GPAT3: variants seen among roughly 807,000 people sequenced by gnomAD.
GPAT3 encodes the protein glycerol-3-phosphate acyltransferase 3, also known as 1-AGP acyltransferase 9.
A neutral mutation model predicts 58.8 loss-of-function variants in GPAT3; 53 were observed. The ratio of observed to expected loss-of-function variants is 0.90; its 90% CI spans 0.72 to 1.13. The LOEUF (loss-of-function observed/expected upper bound fraction) is 1.13. Ranked by LOEUF, GPAT3 falls within the 50% of genes most tolerant of loss-of-function variation. The pLI, the probability that GPAT3 is intolerant of heterozygous loss-of-function variation, is 0.00. For synonymous variants in GPAT3, 197 were observed against 187.4 expected (o/e 1.05, Z -0.42); for missense variants, 511 against 527.6 (o/e 0.97, Z 0.31).
At chr4:83,568,330 A>G (rs377577992) in intron 2 of GPAT3, among the ~76,000 whole-genome samples, 2 of 152,236 alleles carry the variant, frequency 1.3e-5, no homozygotes, top group South Asian at 4.1e-4. Context: ...AGATGCATTT[A>G]TTTTGAGCAC....
Position 83,566,419 on chromosome 4 carries a change from T to TTTATTATTATTATTATTA in GPAT3, c.209-15131_209-15114dup, listed in dbSNP as rs10688921. On this transcript the variant is annotated intron_variant, in intron 2 of 11. Transcript: ENST00000264409. ...TTCTTTTTTTTAAAAAATTAATTAA[T>TTTATTATTATTATTATTA]TTATTATTATTATTATTATTATTAT... Among the ~76,000 whole-genome samples, 331 of 143,578 alleles carry TTTATTATTATTATTATTA rather than the reference T, an allele frequency of 2.3e-3. 2 individuals are homozygous for TTTATTATTATTATTATTA. The highest frequency in any genetic ancestry group is 7.7e-3 in the African/African-American group (300 of 38,734). 94.2% of individuals were successfully genotyped at this position (143,578 alleles called of 152,430 possible). A position where few individuals can be genotyped will look rare whatever the true frequency, so the allele number is the denominator to read the frequency against.
At chr4:83,553,284 T>C (rs1418085022) in intron 2 of GPAT3, among the ~76,000 whole-genome samples, 2 of 152,152 alleles carry the variant, frequency 1.3e-5, no homozygotes, top group African/African-American at 4.8e-5. Flanking sequence ...AAGCCTTGAA[T>C]CACAGAAAGG....
At chr4:83,542,871 G>C (rs112646436) in intron 1 of GPAT3, among the ~76,000 whole-genome samples, 276 of 152,260 alleles carry the variant, frequency 1.8e-3, no homozygotes, top group Non-Finnish European at 3.3e-3. Context: ...GGTGGTGGGT[G>C]CCTGTTGTCC....
intron 2 of GPAT3, among the ~76,000 whole-genome samples, chr4:83,574,827 G>A (rs953769669): frequency 1.5e-5 from 2 of 135,010 alleles, no homozygotes; most frequent in Non-Finnish European, 3.3e-5. Flanking sequence ...TTATTTCTAT[G>A]TATTTTGAAG....
At chr4:83,568,429 TTTCTTC>T (rs1283195706) in intron 2 of GPAT3, among the ~76,000 whole-genome samples, 6 of 152,202 alleles carry the variant, frequency 3.9e-5, no homozygotes, top group Non-Finnish European at 8.8e-5. Context: ...TCATAATCTA[TTTCTTC>T]TAAGGCAGGG....
chr4:83,588,001 T>A (rs1282959412), intron 4 of GPAT3, among the ~76,000 whole-genome samples: 1 of 152,152 alleles, frequency 6.6e-6, no homozygotes, highest in East Asian at 1.9e-4. Context: ...TAGAGTTATG[T>A]CCAGTTTTTT....
intron 1 of GPAT3, among the ~76,000 whole-genome samples, chr4:83,543,128 G>A (rs1236263674): frequency 6.6e-6 from 1 of 152,052 alleles, no homozygotes; most frequent in East Asian, 1.9e-4. Context: ...GGTGAAACCC[G>A]GTTTTTACAA....
intron 6 of GPAT3, among the ~76,000 whole-genome samples, chr4:83,594,440 G>T (rs908605642): frequency 6.6e-6 from 1 of 152,134 alleles, no homozygotes; most frequent in Non-Finnish European, 1.5e-5. Context: ...CATTTGTGTT[G>T]TAATCTGCTC....
chr4:83,559,573 C>G (rs1367677996), intron 2 of GPAT3, among the ~76,000 whole-genome samples: 1 of 152,190 alleles, frequency 6.6e-6, no homozygotes, highest in East Asian at 1.9e-4. Context: ...ATCTGCTTGC[C>G]TCGGCCCCCC....
chr4:83,558,496 G>A (rs1725017854), intron 2 of GPAT3, among the ~76,000 whole-genome samples: 1 of 152,174 alleles, frequency 6.6e-6, no homozygotes, highest in Non-Finnish European at 1.5e-5. Context: ...GTTTCTGCCT[G>A]CAATATGAAA....
At chr4:83,580,549 C>A (rs1285572568) in intron 2 of GPAT3, among the ~76,000 whole-genome samples, 1 of 152,058 alleles carries the variant, frequency 6.6e-6, no homozygotes, top group Non-Finnish European at 1.5e-5. Context: ...CTTTTCATTG[C>A]CAAACCAACT....
At chr4:83,547,532 G>C (rs6832714) in intron 2 of GPAT3, among the ~76,000 whole-genome samples, 5 of 151,494 alleles carry the variant, frequency 3.3e-5, no homozygotes, top group South Asian at 2.1e-4. Context: ...GATTACAGGC[G>C]TGAGCTACTG....
At chr4:83,580,710 T>A (rs199790356) in intron 2 of GPAT3, among the ~76,000 whole-genome samples, 3 of 152,206 alleles carry the variant, frequency 2.0e-5, no homozygotes, top group South Asian at 2.1e-4. Context: ...TGAAAAGTTG[T>A]ATGATATTAA....
At chr4:83,574,905 T>C (rs1578182656) in intron 2 of GPAT3, among the ~76,000 whole-genome samples, 1 of 130,968 alleles carries the variant, frequency 7.6e-6, no homozygotes, top group African/African-American at 2.9e-5. Context: ...TGAGACGGAG[T>C]CTCGCTATCG....
At chr4:83,576,412 T>TTTTATTTATTTATTTA (rs35514780) in intron 2 of GPAT3, among the ~76,000 whole-genome samples, 5 of 142,682 alleles carry the variant, frequency 3.5e-5, no homozygotes, top group Admixed American at 2.1e-4. Context: ...GAAAATATCA[T>TTTTATTTATTTATTTA]TTTATTTATT....
chr4:83,569,673 C>A (rs1009726997), intron 2 of GPAT3, among the ~76,000 whole-genome samples: 8 of 152,210 alleles, frequency 5.3e-5, no homozygotes, highest in Admixed American at 4.6e-4. Flanking sequence ...TCTCCTTGGA[C>A]AACGTGGACC....
chr4:83,552,683 T>C (rs1724798438), intron 2 of GPAT3, among the ~76,000 whole-genome samples: 2 of 152,186 alleles, frequency 1.3e-5, no homozygotes, highest in South Asian at 4.1e-4. Flanking sequence ...CTGGTCTATT[T>C]TGGAGGGAGC....
intron 2 of GPAT3, among the ~76,000 whole-genome samples, chr4:83,575,493 A>G (rs1034907554): frequency 6.6e-6 from 1 of 151,812 alleles, no homozygotes; most frequent in East Asian, 1.9e-4. Flanking sequence ...GCTCACTGCA[A>G]GCTCCACCTC....
At chr4:83,590,438 TTTAC>T in intron 6 of GPAT3, 146 bp downstream of exon 6, 1 of 672,044 alleles carries the variant, frequency 1.5e-6, no homozygotes, top group Non-Finnish European at 2.5e-6. Context: ...ATGTAATGTA[TTTAC>T]ATGAGGAATA....
Sources: allele counts gnomAD v4.1 joint callset (sites outside exome capture counted in the v4.1 genomes callset), GRCh38; gene constraint gnomAD v4.1.1; transcripts MANE v1.5; gene names NCBI Gene and HGNC (gene_info 2026-07-23, HGNC 2026-07-21).